Variants in PIK3C3 observed in about 807,000 individuals in gnomAD.
PIK3C3 encodes phosphatidylinositol 3-kinase catalytic subunit type 3, also known as PI3-kinase type 3.
PIK3C3 carries 95 observed loss-of-function variants against 126.1 expected under a neutral mutation model. The observed-to-expected ratio is 0.75, with a 90% CI of 0.64 to 0.89. The LOEUF (loss-of-function observed/expected upper bound fraction) is 0.89. PIK3C3 is among the 40% of genes least tolerant of loss of function. The pLI, the probability that PIK3C3 is intolerant of heterozygous loss-of-function variation, is 0.00. For synonymous variants in PIK3C3, 374 were observed against 360.0 expected, an observed-to-expected ratio of 1.04 and a Z score of -0.44; for missense variants, 829 against 1,063.2, an observed-to-expected ratio of 0.78 and a Z score of 3.06.
intron 10 of PIK3C3, among the ~76,000 whole-genome samples, chr18:42,009,229 T>A (rs1363601380): frequency 6.6e-6 from 1 of 152,184 alleles, no homozygotes; most frequent in African/African-American, 2.4e-5. Flanking sequence ...GAAACAACAC[T>A]ATAGAGAGAC....
In PIK3C3 at chr18:42,067,489, G is replaced by A; in HGVS notation, c.2625G>A (p.Val875=). 1.9e-6 allele frequency: 3 copies of A among 1,614,084 alleles called. No homozygotes were observed. Among genetic ancestry groups the A allele is most frequent in the Non-Finnish European group, 2.5e-6 (3 of 1,179,980 alleles). ...ESVHALFAAV[V]EQIHKFAQYW... ...TCCATGCTCTTTTTGCTGCAGTGGT[G>A]GAACAGATTCACAAGTTTGCCCAGG... Residue 875 remains valine (V), a synonymous_variant, in exon 24 of 25, where the codon GTG becomes GTA. Transcript: ENST00000262039.
At chr18:41,975,264 T>C in intron 4 of PIK3C3, among the ~76,000 whole-genome samples, 1 of 152,152 alleles carries the variant, frequency 6.6e-6, no homozygotes, top group East Asian at 1.9e-4. Context: ...CTTCAAAGAG[T>C]CATTTATAAT....
chr18:41,980,623 C>G (rs1043141310), intron 4 of PIK3C3, among the ~76,000 whole-genome samples: 1 of 151,772 alleles, frequency 6.6e-6, no homozygotes, highest in African/African-American at 2.4e-5. Context: ...CGAAGCCAGC[C>G]TGGGCAACAT....
In PIK3C3 at chr18:42,079,140, A is replaced by G. The variant is rs191502558; in HGVS notation, c.2650-1983A>G. Among the ~76,000 whole-genome samples, 391 of 152,306 alleles carry G rather than the reference A, an allele frequency of 2.6e-3. 2 individuals carry two copies. The highest frequency in any genetic ancestry group is 9.1e-3 in the African/African-American group (378 of 41,568). On this transcript the variant is annotated intron_variant, in intron 24 of 24. Transcript: ENST00000262039. ...TCTGAGCTTTTGATATGCCTTTCTC[A>G]CTAGGCTTAATCATTTCTAGGTTTT...
At chr18:42,066,928 T>C (rs1477836122) in intron 23 of PIK3C3, among the ~76,000 whole-genome samples, 2 of 152,142 alleles carry the variant, frequency 1.3e-5, no homozygotes, top group South Asian at 2.1e-4. Context: ...TGTTCTCATA[T>C]AGACACTGAA....
intron 16 of PIK3C3, among the ~76,000 whole-genome samples, chr18:42,036,483 CTT>C (rs1167377854): frequency 4.7e-5 from 7 of 149,452 alleles, no homozygotes. Context: ...AAATTTTTGT[CTT>C]ATATAATTTC....
At chr18:41,983,781 T>C (rs1981326819) in intron 4 of PIK3C3, among the ~76,000 whole-genome samples, 1 of 152,196 alleles carries the variant, frequency 6.6e-6, no homozygotes, top group African/African-American at 2.4e-5. Context: ...ATCTGAGACA[T>C]CTTCCTCAAA....
At chr18:41,956,192 C>T (rs1979762779) in intron 1 of PIK3C3, among the ~76,000 whole-genome samples, 1 of 152,140 alleles carries the variant, frequency 6.6e-6, no homozygotes. Flanking sequence ...AAATATGTGT[C>T]GGTCAAAGGC....
intron 12 of PIK3C3, among the ~76,000 whole-genome samples, chr18:42,017,903 CT>C (rs372473279): frequency 5.9e-5 from 9 of 151,874 alleles, no homozygotes; most frequent in African/African-American, 2.2e-4. Flanking sequence ...ATAACTGGAA[CT>C]TTTGCCCCAT....
At chr18:41,966,533 T>C (rs1234587421) in intron 3 of PIK3C3, among the ~76,000 whole-genome samples, 1 of 152,142 alleles carries the variant, frequency 6.6e-6, no homozygotes, top group Non-Finnish European at 1.5e-5. Context: ...CCACTTATTT[T>C]AAAAGAAAAG....
rs928261995 is a variant in PIK3C3 at position 42,006,100 on chromosome 18, G to A, written c.1170+1559G>A. ...GAAGGGTATCCTAAAGGATACAGAAGAACAGCTAGATGAAATGATAATTTG... is the reference window on the plus strand; with the variant it reads ...GAAGGGTATCCTAAAGGATACAGAAAAACAGCTAGATGAAATGATAATTTG... On this transcript the variant is annotated intron_variant, in intron 10 of 24. Coordinates refer to ENST00000262039, the MANE Select transcript of PIK3C3 (RefSeq NM_002647.4). 1.4e-4 allele frequency among the ~76,000 whole-genome samples: 21 copies of A among 151,044 alleles called. 2 individuals are homozygous for A. Among genetic ancestry groups the A allele is most frequent in the Admixed American group, 1.4e-3 (21 of 15,152 alleles).
chr18:42,042,658 T>G (rs1343233965), intron 19 of PIK3C3, among the ~76,000 whole-genome samples: 1 of 152,222 alleles, frequency 6.6e-6, no homozygotes, highest in African/African-American at 2.4e-5. Flanking sequence ...ATGAAAACAG[T>G]GACAGTTTGT....
chr18:42,000,211 G>A (rs567155081), intron 9 of PIK3C3, among the ~76,000 whole-genome samples: 2 of 151,956 alleles, frequency 1.3e-5, no homozygotes, highest in Admixed American at 1.3e-4. Context: ...GCACCACCAC[G>A]CCGGCTAATT....
intron 3 of PIK3C3, among the ~76,000 whole-genome samples, chr18:41,963,683 A>AT (rs1980210942): frequency 6.6e-6 from 1 of 152,084 alleles, no homozygotes; most frequent in South Asian, 2.1e-4. Flanking sequence ...ATGTTATTTA[A>AT]TTTTTACATC....
chr18:42,076,433 A>G (rs574442723), intron 24 of PIK3C3, among the ~76,000 whole-genome samples: 1 of 152,142 alleles, frequency 6.6e-6, no homozygotes, highest in East Asian at 1.9e-4. Flanking sequence ...TGTGATATAT[A>G]AAGGAGTCGC....
intron 4 of PIK3C3, among the ~76,000 whole-genome samples, chr18:41,972,798 C>T (rs1281385369): frequency 2.0e-5 from 3 of 152,152 alleles, no homozygotes; most frequent in East Asian, 1.9e-4. Context: ...TGTGCTAACT[C>T]GATATTCCCC....
intron 4 of PIK3C3, 22 bp from the exon 5 acceptor site, chr18:41,987,790 C>A (rs975305884): frequency 1.0e-5 from 16 of 1,556,570 alleles, no homozygotes; most frequent in Non-Finnish European, 1.4e-5. Context: ...TTAAAATTTT[C>A]GTCATTGTAT....
chr18:42,062,132 A>G (rs1438081290), intron 22 of PIK3C3, among the ~76,000 whole-genome samples: 1 of 152,094 alleles, frequency 6.6e-6, no homozygotes, highest in African/African-American at 2.4e-5. Context: ...TATTCTCCTT[A>G]TGTTACCTTC....
At chr18:42,073,639 C>T (rs1371258741) in intron 24 of PIK3C3, among the ~76,000 whole-genome samples, 2 of 152,032 alleles carry the variant, frequency 1.3e-5, no homozygotes, top group Non-Finnish European at 2.9e-5. Context: ...TGTGTCATTG[C>T]TGAGGGAAAA....
Sources: allele counts gnomAD v4.1 joint callset (sites outside exome capture counted in the v4.1 genomes callset), GRCh38; gene constraint gnomAD v4.1.1; transcripts MANE v1.5; gene names NCBI Gene and HGNC (gene_info 2026-07-23, HGNC 2026-07-21).